The following RPS6KA3 variants were observed in gnomAD, a reference collection of about 807,000 sequenced individuals.
RPS6KA3 encodes ribosomal protein S6 kinase alpha-3.
In RPS6KA3, 4 loss-of-function variants were observed where a neutral mutation model predicts 67.2. The ratio of observed to expected loss-of-function variants is 0.06; its 90% confidence interval spans 0.03 to 0.14. RPS6KA3 has a LOEUF of 0.14. RPS6KA3 is among the 10% of genes least tolerant of loss of function. The pLI is 1.00. For missense variants in RPS6KA3, 204 were observed against 559.0 expected (o/e 0.36, Z 6.40); for synonymous variants, 182 against 183.7 (o/e 0.99, Z 0.07).
At chrX:20,186,962 T>C (rs2067999597) in intron 9 of RPS6KA3, among the ~76,000 whole-genome samples, 1 of 110,933 alleles carries the variant, frequency 9.0e-6, no homozygotes, top group Admixed American at 9.6e-5. Flanking sequence ...GCCTCCCAAG[T>C]AGCTGGGATT....
At chrX:20,205,250 C>T (rs1319927953) in intron 3 of RPS6KA3, among the ~76,000 whole-genome samples, 1 of 112,161 alleles carries the variant, frequency 8.9e-6, no homozygotes, top group African/African-American at 3.2e-5. Flanking sequence ...ATAGATATGC[C>T]AAATAGATTT....
At chrX:20,168,793 T>C (rs1444437694) in intron 16 of RPS6KA3, among the ~76,000 whole-genome samples, 1 of 112,496 alleles carries the variant, frequency 8.9e-6, no homozygotes, top group Non-Finnish European at 1.9e-5. Context: ...AATTATGCCA[T>C]ATACACATAT....
intron 2 of RPS6KA3, among the ~76,000 whole-genome samples, chrX:20,223,579 A>G (rs1417830190): frequency 8.9e-6 from 1 of 111,991 alleles, no homozygotes; most frequent in Non-Finnish European, 1.9e-5. Context: ...TTGAAATTAA[A>G]CCTAAGGAAA....
intron 3 of RPS6KA3, among the ~76,000 whole-genome samples, chrX:20,206,791 C>T (rs1017694947): frequency 8.9e-6 from 1 of 111,818 alleles, no homozygotes; most frequent in Non-Finnish European, 1.9e-5. Context: ...AGCTAACAAG[C>T]TGAGGAAGAG....
chrX:20,188,028 T>A, intron 8 of RPS6KA3, 58 bp from the exon 9 acceptor site: 1 of 1,039,343 alleles, frequency 9.6e-7, no homozygotes, highest in Non-Finnish European at 1.3e-6. Flanking sequence ...AATTTTAAAC[T>A]TTGAGTTCTG....
At chrX:20,161,245 T>C (rs2067298270) in intron 20 of RPS6KA3, among the ~76,000 whole-genome samples, 2 of 112,153 alleles carry the variant, frequency 1.8e-5, no homozygotes, top group Admixed American at 9.5e-5. Context: ...GTATGTAACA[T>C]AGACAAGTTC....
Position 20,167,017 on chromosome X carries a change from C to T in RPS6KA3, c.1602+572G>A, listed in dbSNP as rs139932189. Among the ~76,000 whole-genome samples the T allele has an allele frequency of 2.8e-3, 314 of 110,854 alleles. 2 individuals carry two copies. The highest frequency in any genetic ancestry group is 9.4e-3 in the African/African-American group (287 of 30,539). On this transcript the variant is annotated intron_variant, in intron 17 of 21. Transcript: ENST00000379565. ...ACAGGCGTGAGTCACTGCACCCGGC[C>T]GCCTTGTTTTAAAAATACGATTTTC...
intron 1 of RPS6KA3, among the ~76,000 whole-genome samples, chrX:20,251,236 A>T (rs1474924058): frequency 1.8e-5 from 2 of 112,057 alleles, no homozygotes; most frequent in Non-Finnish European, 3.8e-5. Flanking sequence ...GGCTCAAGTG[A>T]TCCTCCAGCT....
At chrX:20,169,527 C>T (rs757926465) in intron 15 of RPS6KA3, 36 bp from the exon 16 acceptor site, 1 of 825,356 alleles carries the variant, frequency 1.2e-6, no homozygotes, top group South Asian at 2.0e-5. Context: ...ACCTCATCAA[C>T]TATACAGTTA....
At chrX:20,198,117 A>G (rs1476349231) in intron 4 of RPS6KA3, among the ~76,000 whole-genome samples, 1 of 112,155 alleles carries the variant, frequency 8.9e-6, no homozygotes, top group African/African-American at 3.2e-5. Context: ...GAACTTTAAA[A>G]TGGGAAGAGA....
chrX:20,180,443 C>A (rs2067815126), intron 10 of RPS6KA3, among the ~76,000 whole-genome samples: 1 of 112,047 alleles, frequency 8.9e-6, no homozygotes, highest in Admixed American at 9.5e-5. Flanking sequence ...GTTATGTAAC[C>A]ATGGTAACAA....
chrX:20,211,532 C>T (rs1299591809), intron 2 of RPS6KA3, among the ~76,000 whole-genome samples: 1 of 105,415 alleles, frequency 9.5e-6, no homozygotes, highest in Non-Finnish European at 1.9e-5. Context: ...GTAGCACATC[C>T]TTAGCAGGAA....
chrX:20,179,041 C>T (rs2067777039), intron 10 of RPS6KA3, among the ~76,000 whole-genome samples: 1 of 110,838 alleles, frequency 9.0e-6, no homozygotes, highest in African/African-American at 3.3e-5. Flanking sequence ...TAAGAGGTCA[C>T]TGTTTTCTGA....
intron 1 of RPS6KA3, among the ~76,000 whole-genome samples, chrX:20,256,210 AG>A (rs2070059284): frequency 9.5e-6 from 1 of 105,709 alleles, no homozygotes; most frequent in Non-Finnish European, 1.9e-5. Flanking sequence ...GAAAAAAAAA[AG>A]GAATTAATTA....
At chrX:20,174,705 G>A (rs1241782536) in intron 14 of RPS6KA3, among the ~76,000 whole-genome samples, 4 of 110,175 alleles carry the variant, frequency 3.6e-5, no homozygotes, top group Admixed American at 1.9e-4. Context: ...CAACCTTTTC[G>A]ATGACATATG....
intron 1 of RPS6KA3, among the ~76,000 whole-genome samples, chrX:20,253,208 G>A (rs917764598): frequency 2.0e-5 from 2 of 99,043 alleles, no homozygotes; most frequent in Non-Finnish European, 4.1e-5. Flanking sequence ...GGGTTGGGGA[G>A]TGAGAGCACT....
intron 2 of RPS6KA3, among the ~76,000 whole-genome samples, chrX:20,230,073 T>C (rs2069221872): frequency 8.9e-6 from 1 of 112,667 alleles, no homozygotes; most frequent in Admixed American, 9.4e-5. Flanking sequence ...CTGCCTCAAA[T>C]GGTTTTGGAG....
intron 4 of RPS6KA3, among the ~76,000 whole-genome samples, chrX:20,198,733 A>C (rs982004852): frequency 3.6e-5 from 4 of 112,346 alleles, no homozygotes; most frequent in African/African-American, 1.3e-4. Context: ...GAGACCTTAT[A>C]TGTATGGATC....
At chrX:20,263,330 C>T (rs1007638514) in intron 1 of RPS6KA3, among the ~76,000 whole-genome samples, 4 of 112,151 alleles carry the variant, frequency 3.6e-5, no homozygotes, top group Non-Finnish European at 5.6e-5. Flanking sequence ...TAATTCCTAC[C>T]TATCCATCCT....
Sources: gnomAD v4.1 joint callset for allele counts (sites outside exome capture counted in the v4.1 genomes callset) on GRCh38, gnomAD v4.1.1 for gene constraint, MANE v1.5 for transcripts, NCBI Gene and HGNC (gene_info 2026-07-23, HGNC 2026-07-21) for gene names.